The following CCDC85A variants were observed in gnomAD, a reference collection of about 807,000 sequenced individuals.
CCDC85A encodes coiled-coil domain-containing protein 85A.
A neutral mutation model predicts 50.2 loss-of-function variants in CCDC85A; 38 were observed. The observed-to-expected ratio is 0.76, with a 90% CI of 0.58 to 0.99. The LOEUF (loss-of-function observed/expected upper bound fraction) is 0.99, where lower values mean the gene tolerates loss of function less well. CCDC85A is among the 50% of genes least tolerant of loss of function. The pLI, the probability that CCDC85A is intolerant of heterozygous loss-of-function variation, is 0.00. For synonymous variants in CCDC85A, 366 were observed against 301.4 expected (o/e 1.21, Z -2.22); for missense variants, 820 against 742.0 (o/e 1.11, Z -1.22).
intron 2 of CCDC85A, among the ~76,000 whole-genome samples, chr2:56,207,768 T>A (rs1246736936): frequency 1.3e-5 from 2 of 152,160 alleles, no homozygotes; most frequent in Non-Finnish European, 1.5e-5. Context: ...ATAAATTCTT[T>A]AAAGGAAACC....
At chr2:56,274,220 C>G (rs1380600658) in intron 2 of CCDC85A, among the ~76,000 whole-genome samples, 1 of 152,048 alleles carries the variant, frequency 6.6e-6, no homozygotes, top group Non-Finnish European at 1.5e-5. Flanking sequence ...TTATACTGTT[C>G]TGCTTAACCT....
chr2:56,266,140 A>T (rs899004120), intron 2 of CCDC85A, among the ~76,000 whole-genome samples: 2 of 152,180 alleles, frequency 1.3e-5, no homozygotes, highest in Non-Finnish European at 2.9e-5. Context: ...TAGGGGAGTG[A>T]GAGTTGCAGG....
chr2:56,230,374 T>C (rs1487247806), intron 2 of CCDC85A, among the ~76,000 whole-genome samples: 1 of 152,212 alleles, frequency 6.6e-6, no homozygotes, highest in Non-Finnish European at 1.5e-5. Flanking sequence ...TTGTGTTCCC[T>C]ACTCTCTTAA....
intron 2 of CCDC85A, among the ~76,000 whole-genome samples, chr2:56,295,468 G>A (rs1455235639): frequency 2.0e-5 from 3 of 152,186 alleles, no homozygotes; most frequent in Non-Finnish European, 1.5e-5. Context: ...ACACTGTTGT[G>A]ATGTAGCAAA....
intron 2 of CCDC85A, among the ~76,000 whole-genome samples, chr2:56,336,925 C>T (rs534797694): frequency 9.9e-5 from 15 of 152,282 alleles, no homozygotes; most frequent in African/African-American, 3.6e-4. Context: ...ATGTATGTTA[C>T]TTCATGATTA....
At chr2:56,226,553 G>C (rs1334179818) in intron 2 of CCDC85A, among the ~76,000 whole-genome samples, 1 of 151,868 alleles carries the variant, frequency 6.6e-6, no homozygotes, top group Non-Finnish European at 1.5e-5. Flanking sequence ...AAAACTGCAT[G>C]ATTCTTTGCA....
chr2:56,227,181 T>C (rs1423186919), intron 2 of CCDC85A, among the ~76,000 whole-genome samples: 1 of 152,198 alleles, frequency 6.6e-6, no homozygotes, highest in Non-Finnish European at 1.5e-5. Flanking sequence ...TGATTTGATA[T>C]GAGTTCTATT....
At chr2:56,314,634 C>T (rs1672840617) in intron 2 of CCDC85A, among the ~76,000 whole-genome samples, 1 of 152,072 alleles carries the variant, frequency 6.6e-6, no homozygotes, top group Non-Finnish European at 1.5e-5. Context: ...ATTTCTTCCC[C>T]CAGTTTGTTG....
rs575911747 is a variant in CCDC85A, at chr2:56,338,808, G to A, written c.1241-4071G>A. 3.3e-5 allele frequency among the ~76,000 whole-genome samples: 5 copies of A among 151,786 alleles called. No individual in the cohort carries two copies. In the South Asian group the frequency reaches 1.0e-3, roughly 32 times the overall value. ...TTAATGGCTTTTCCTATAGGGGCTT[G>A]GGGACCCAGTGCTGATCTCACAGTA... is the stretch of plus-strand genomic sequence containing the variant. On this transcript the variant is annotated intron_variant, in intron 2 of 5. Transcript: ENST00000407595.
chr2:56,369,224 T>C (rs917702117), intron 3 of CCDC85A, among the ~76,000 whole-genome samples: 8 of 152,160 alleles, frequency 5.3e-5, no homozygotes. Context: ...AAATTGGTTT[T>C]TATTCCCTTC....
intron 2 of CCDC85A, among the ~76,000 whole-genome samples, chr2:56,331,106 C>G (rs1242240246): frequency 6.6e-6 from 1 of 152,120 alleles, no homozygotes; most frequent in Non-Finnish European, 1.5e-5. Flanking sequence ...AGGCCATTAT[C>G]TTGATGAAAT....
chr2:56,201,592 G>A (rs1439536798), intron 2 of CCDC85A, among the ~76,000 whole-genome samples: 3 of 152,038 alleles, frequency 2.0e-5, no homozygotes, highest in Non-Finnish European at 1.5e-5. Context: ...GTCCATAATT[G>A]CTAGTTCTTA....
At chr2:56,200,590 A>G (rs1437552592) in intron 2 of CCDC85A, among the ~76,000 whole-genome samples, 1 of 152,214 alleles carries the variant, frequency 6.6e-6, no homozygotes, top group Middle Eastern at 3.2e-3. Flanking sequence ...TCCAATAGAA[A>G]GAACCTCTGC....
intron 2 of CCDC85A, among the ~76,000 whole-genome samples, chr2:56,270,548 C>T (rs1409584446): frequency 1.3e-5 from 2 of 152,184 alleles, no homozygotes; most frequent in African/African-American, 2.4e-5. Flanking sequence ...TACCCCTGAG[C>T]GTAGCTGCTT....
At chr2:56,338,026 G>A (rs537141296) in intron 2 of CCDC85A, among the ~76,000 whole-genome samples, 4 of 151,736 alleles carry the variant, frequency 2.6e-5, no homozygotes, top group South Asian at 2.1e-4. Context: ...CTCGTGATCC[G>A]CCTGCCTCAG....
intron 2 of CCDC85A, among the ~76,000 whole-genome samples, chr2:56,217,856 C>T (rs1261961535): frequency 6.6e-6 from 1 of 151,628 alleles, no homozygotes; most frequent in Non-Finnish European, 1.5e-5. Context: ...ATGTGATTTG[C>T]CAGCTTTTTT....
intron 2 of CCDC85A, among the ~76,000 whole-genome samples, chr2:56,207,902 TTTCCTCCATTATTCACTCTGG>T (rs1344318909): frequency 6.6e-6 from 1 of 152,176 alleles, no homozygotes; most frequent in Non-Finnish European, 1.5e-5. Flanking sequence ...AACTCAGCCT[TTTCCTCCATTATTCACTCTGG>T]AACTCTTTGG....
chr2:56,304,132 G>C (rs1187439255), intron 2 of CCDC85A, among the ~76,000 whole-genome samples: 2 of 152,146 alleles, frequency 1.3e-5, no homozygotes, highest in Non-Finnish European at 2.9e-5. Flanking sequence ...TGTTGTAAGT[G>C]CATTCTTATT....
chr2:56,207,513 A>T (rs1425252962), intron 2 of CCDC85A, among the ~76,000 whole-genome samples: 1 of 152,208 alleles, frequency 6.6e-6, no homozygotes, highest in African/African-American at 2.4e-5. Context: ...TAGTCCAGTA[A>T]ATGGATGGTC....
Sources: allele counts gnomAD v4.1 joint callset (sites outside exome capture counted in the v4.1 genomes callset), GRCh38; gene constraint gnomAD v4.1.1; transcripts MANE v1.5; gene names NCBI Gene and HGNC (gene_info 2026-07-23, HGNC 2026-07-21).